CTNNA3: variants seen among roughly 807,000 people sequenced by gnomAD.
The protein encoded by CTNNA3 is catenin alpha-3.
A neutral mutation model predicts 95.7 loss-of-function variants in CTNNA3; 76 were observed. The ratio of observed to expected loss-of-function variants is 0.79; its 90% CI spans 0.66 to 0.96. CTNNA3 has a LOEUF of 0.96. Ranked by LOEUF, CTNNA3 falls within the 40% of genes least tolerant of loss-of-function variation. The pLI, the probability that CTNNA3 is intolerant of heterozygous loss-of-function variation, is 0.00. For synonymous variants in CTNNA3, 431 were observed against 374.4 expected (o/e 1.15, Z -1.74); for missense variants, 1,191 against 1,089.8 (o/e 1.09, Z -1.31).
intron 5 of CTNNA3, among the ~76,000 whole-genome samples, chr10:67,332,231 G>A (rs972667540): frequency 1.2e-4 from 19 of 152,116 alleles, no homozygotes; most frequent in Non-Finnish European, 2.9e-5. Context: ...AAAGTAAAAT[G>A]ATTTTCTGAT....
chr10:66,591,143 T>C (rs1843535952), intron 10 of CTNNA3, among the ~76,000 whole-genome samples: 1 of 152,128 alleles, frequency 6.6e-6, no homozygotes, highest in Admixed American at 6.6e-5. Context: ...AGAACTTGAG[T>C]TGTCTCCTAG....
Position 66,870,305 on chromosome 10 carries a change from TA to T in CTNNA3, c.1048-94782del, listed in dbSNP as rs775291480. ...GATTTGCAAAAACGCAATGATGCAG[TA>T]AACTATACCAACGGATGTTTTGCTA... On this transcript the variant is annotated intron_variant, in intron 7 of 17. Transcript: ENST00000433211. 3.3e-5 allele frequency among the ~76,000 whole-genome samples: 5 copies of T among 152,338 alleles called. No homozygotes were observed. In the East Asian group the frequency reaches 5.8e-4, roughly 18 times the overall value.
At chr10:66,311,639 A>G (rs1380405072) in intron 12 of CTNNA3, among the ~76,000 whole-genome samples, 3 of 152,322 alleles carry the variant, frequency 2.0e-5, no homozygotes, top group Middle Eastern at 3.4e-3. Flanking sequence ...TCAACCTGCA[A>G]TGGTAACATA....
At chr10:67,330,741 G>T (rs576185651) in intron 5 of CTNNA3, among the ~76,000 whole-genome samples, 7 of 151,516 alleles carry the variant, frequency 4.6e-5, no homozygotes, top group African/African-American at 1.7e-4. Context: ...CATTAATAAA[G>T]TTAGGCAGAA....
intron 17 of CTNNA3, among the ~76,000 whole-genome samples, chr10:65,956,355 A>C (rs2077732255): frequency 6.6e-6 from 1 of 152,020 alleles, no homozygotes; most frequent in South Asian, 2.1e-4. Flanking sequence ...GGATTCATTG[A>C]ATTTTTGAAG....
At chr10:66,104,821 C>T (rs1427800134) in intron 13 of CTNNA3, among the ~76,000 whole-genome samples, 2 of 152,190 alleles carry the variant, frequency 1.3e-5, no homozygotes. Flanking sequence ...TCTGGTTTGC[C>T]TTAAACGTTG....
chr10:67,582,959 A>T (rs1442239735), intron 3 of CTNNA3, among the ~76,000 whole-genome samples: 1 of 151,972 alleles, frequency 6.6e-6, no homozygotes, highest in Non-Finnish European at 1.5e-5. Flanking sequence ...GTGTCTCTGC[A>T]CAAGAGATGG....
intron 1 of CTNNA3, among the ~76,000 whole-genome samples, chr10:67,671,121 G>T (rs1801975981): frequency 6.6e-6 from 1 of 152,070 alleles, no homozygotes. Context: ...TGATTTCCCA[G>T]CCTTCTTTGC....
intron 13 of CTNNA3, among the ~76,000 whole-genome samples, chr10:66,226,048 C>T (rs1044749067): frequency 5.3e-5 from 8 of 152,050 alleles, no homozygotes; most frequent in African/African-American, 1.7e-4. Flanking sequence ...GTTTCCTTTG[C>T]TGCACAGGAG....
chr10:67,001,451 TG>T (rs1213030445), intron 7 of CTNNA3, among the ~76,000 whole-genome samples: 1 of 145,326 alleles, frequency 6.9e-6, no homozygotes, highest in East Asian at 2.0e-4. Context: ...AAGACAGGGG[TG>T]GGGGACAGAA....
chr10:66,494,022 C>T (rs1020621006), intron 11 of CTNNA3, among the ~76,000 whole-genome samples: 1 of 150,892 alleles, frequency 6.6e-6, no homozygotes, highest in South Asian at 2.1e-4. Flanking sequence ...ATTCTCCTGC[C>T]TCAGCCTCTC....
At chr10:67,315,173 G>C (rs1840988945) in intron 5 of CTNNA3, among the ~76,000 whole-genome samples, 1 of 152,076 alleles carries the variant, frequency 6.6e-6, no homozygotes, top group Non-Finnish European at 1.5e-5. Context: ...TCTACCTCAA[G>C]TATGTATCTT....
At chr10:66,017,464 C>G (rs1029515123) in intron 15 of CTNNA3, among the ~76,000 whole-genome samples, 1 of 151,996 alleles carries the variant, frequency 6.6e-6, no homozygotes. Context: ...TCCATGAATT[C>G]TTTATTTATA....
chr10:67,301,120 G>A (rs552999724), intron 5 of CTNNA3, among the ~76,000 whole-genome samples: 1 of 152,302 alleles, frequency 6.6e-6, no homozygotes. Context: ...TACCTGGTCT[G>A]AATCTGGAAG....
chr10:67,722,320 G>A (rs1243091388), intron 1 of CTNNA3, among the ~76,000 whole-genome samples: 2 of 152,136 alleles, frequency 1.3e-5, no homozygotes, highest in Non-Finnish European at 2.9e-5. Flanking sequence ...GATTGTTTCA[G>A]TAGTACTAGG....
At chr10:66,714,115 G>C (rs950459243) in intron 9 of CTNNA3, among the ~76,000 whole-genome samples, 2 of 152,054 alleles carry the variant, frequency 1.3e-5, no homozygotes, top group Non-Finnish European at 2.9e-5. Context: ...TGATCGAATC[G>C]TGATGGTGTA....
At chr10:67,446,666 A>G (rs188844980) in intron 5 of CTNNA3, among the ~76,000 whole-genome samples, 73 of 152,312 alleles carry the variant, frequency 4.8e-4, no homozygotes, top group African/African-American at 1.7e-3. Flanking sequence ...GGATCTTACC[A>G]GTTTCATGAC....
chr10:67,088,779 T>G (rs1053259912), intron 7 of CTNNA3, among the ~76,000 whole-genome samples: 1 of 152,072 alleles, frequency 6.6e-6, no homozygotes, highest in Non-Finnish European at 1.5e-5. Flanking sequence ...CTCTCATTAT[T>G]CTCGTTACAG....
rs764245184 is a variant in CTNNA3, at chr10:65,920,623, G to A, written c.2401-6C>T. The A allele has an allele frequency of 7.5e-6, 12 of 1,598,256 alleles. No homozygotes were observed. Among genetic ancestry groups the A allele is most frequent in the Non-Finnish European group, 9.4e-6 (11 of 1,171,030 alleles). ...AGGGATGTGACACTGTCCAACTGTA[G>A]GGAAAAAAGAGAAAAAAGAGCTATT... On this transcript the variant is annotated splice_polypyrimidine_tract_variant and splice_region_variant and intron_variant, in intron 17 of 17. Transcript: ENST00000433211.
Sources: gnomAD v4.1 joint callset for allele counts (sites outside exome capture counted in the v4.1 genomes callset) on GRCh38, gnomAD v4.1.1 for gene constraint, MANE v1.5 for transcripts, NCBI Gene and HGNC (gene_info 2026-07-23, HGNC 2026-07-21) for gene names.